The following TAFA1 variants were observed in gnomAD, a reference collection of about 807,000 sequenced individuals.
TAFA1 encodes the protein chemokine-like protein TAFA-1.
TAFA1 carries 4 observed loss-of-function variants against 18.5 expected under a neutral mutation model. The ratio of observed to expected loss-of-function variants is 0.22; its 90% CI spans 0.11 to 0.49. The LOEUF (loss-of-function observed/expected upper bound fraction) is 0.49, where lower values mean the gene tolerates loss of function less well. TAFA1 is among the 20% of genes least tolerant of loss of function. TAFA1 has a pLI of 0.98. For missense variants in TAFA1, 147 were observed against 169.0 expected (o/e 0.87, Z 0.72); for synonymous variants, 56 against 55.2 (o/e 1.01, Z -0.06).
At chr3:68,399,913 CCT>C (rs2070456309) in intron 2 of TAFA1, among the ~76,000 whole-genome samples, 1 of 152,290 alleles carries the variant, frequency 6.6e-6, no homozygotes, top group African/African-American at 2.4e-5. Flanking sequence ...ATCTATACCG[CCT>C]CTCTGCACTG....
chr3:68,029,995 C>T (rs964541789), intron 2 of TAFA1, among the ~76,000 whole-genome samples: 1 of 152,138 alleles, frequency 6.6e-6, no homozygotes, highest in Non-Finnish European at 1.5e-5. Context: ...ATGATCAGAA[C>T]CTCAGTAGAA....
intron 2 of TAFA1, among the ~76,000 whole-genome samples, chr3:68,133,814 A>G (rs915564184): frequency 6.6e-6 from 1 of 152,154 alleles, no homozygotes; most frequent in African/African-American, 2.4e-5. Context: ...CCAAAGTGGC[A>G]GAGGACACAG....
chr3:68,491,037 T>C (rs1226511351), intron 3 of TAFA1, among the ~76,000 whole-genome samples: 1 of 151,854 alleles, frequency 6.6e-6, no homozygotes, highest in Non-Finnish European at 1.5e-5. Flanking sequence ...TGGGATTTTA[T>C]CCTCTTGCCC....
intron 2 of TAFA1, among the ~76,000 whole-genome samples, chr3:68,287,735 A>C (rs1273143527): frequency 6.6e-6 from 1 of 152,102 alleles, no homozygotes; most frequent in East Asian, 1.9e-4. Context: ...TGCATTGCGC[A>C]CTATATAAAC....
upstream of TAFA1, among the ~76,000 whole-genome samples, chr3:68,003,323 A>T (rs1704305053): frequency 6.6e-6 from 1 of 152,212 alleles, no homozygotes; most frequent in Admixed American, 6.5e-5. Context: ...AAGGCAAGAG[A>T]GTATTCTGGG....
intron 2 of TAFA1, among the ~76,000 whole-genome samples, chr3:68,061,282 G>T (rs949323087): frequency 1.3e-5 from 2 of 152,168 alleles, no homozygotes; most frequent in African/African-American, 4.8e-5. Flanking sequence ...TCTTGATTAT[G>T]AAAATGATAT....
chr3:68,336,155 T>C (rs7637383), intron 2 of TAFA1, among the ~76,000 whole-genome samples: 3,235 of 152,292 alleles, frequency 0.021, 107 homozygotes, highest in African/African-American at 0.067. Flanking sequence ...GTCTACCTTG[T>C]CTAGTTGTTG....
chr3:68,309,858 A>G (rs1575766401), intron 2 of TAFA1, among the ~76,000 whole-genome samples: 1 of 152,098 alleles, frequency 6.6e-6, no homozygotes, highest in Non-Finnish European at 1.5e-5. Context: ...ATATGGCAGG[A>G]TGTTAGTTCT....
At chr3:68,006,576 G>A in intron 1 of TAFA1, 48 bp from the exon 2 acceptor site, 3 of 1,275,678 alleles carry the variant, frequency 2.4e-6, no homozygotes, top group Non-Finnish European at 3.4e-6. Flanking sequence ...TGACTGAGCT[G>A]GGGGCTTGAA....
At chr3:68,529,546 A>G (rs1205579910) in intron 3 of TAFA1, among the ~76,000 whole-genome samples, 1 of 151,848 alleles carries the variant, frequency 6.6e-6, no homozygotes, top group Non-Finnish European at 1.5e-5. Context: ...ACTATAAAAG[A>G]ATACTGCAGG....
intron 2 of TAFA1, among the ~76,000 whole-genome samples, chr3:68,273,736 G>A (rs2067724739): frequency 6.6e-6 from 1 of 152,238 alleles, no homozygotes; most frequent in South Asian, 2.1e-4. Context: ...GAAATCCAGG[G>A]TAGAGACAAC....
At chr3:68,130,862 T>A (rs2065527510) in intron 2 of TAFA1, among the ~76,000 whole-genome samples, 1 of 152,172 alleles carries the variant, frequency 6.6e-6, no homozygotes, top group African/African-American at 2.4e-5. Context: ...GTTAGCTACC[T>A]CCCTGTCCTC....
chr3:68,126,622 A>G (rs1456770216), intron 2 of TAFA1, among the ~76,000 whole-genome samples: 2 of 152,266 alleles, frequency 1.3e-5, no homozygotes, highest in Non-Finnish European at 2.9e-5. Flanking sequence ...GGTTTGGACA[A>G]TAGATGAGGG....
intron 2 of TAFA1, among the ~76,000 whole-genome samples, chr3:68,370,551 G>T (rs2069685236): frequency 8.2e-6 from 1 of 121,772 alleles, no homozygotes; most frequent in Non-Finnish European, 1.7e-5. Flanking sequence ...AAGTTAACCA[G>T]AGTGAAATAG....
At chr3:68,511,928 A>G (rs1028891908) in intron 3 of TAFA1, among the ~76,000 whole-genome samples, 2 of 152,104 alleles carry the variant, frequency 1.3e-5, no homozygotes, top group African/African-American at 2.4e-5. Flanking sequence ...AATAACATAG[A>G]TAGCACTTAC....
intron 2 of TAFA1, among the ~76,000 whole-genome samples, chr3:68,313,741 T>C (rs1376674397): frequency 6.6e-6 from 1 of 152,212 alleles, no homozygotes; most frequent in Non-Finnish European, 1.5e-5. Flanking sequence ...TCTTTGGCCC[T>C]AACTGGATGG....
intron 2 of TAFA1, among the ~76,000 whole-genome samples, chr3:68,226,962 C>T (rs936120126): frequency 9.9e-5 from 15 of 152,152 alleles, no homozygotes; most frequent in Admixed American, 3.9e-4. Flanking sequence ...GTAAAGGGTA[C>T]GTAGCCTTGG....
At chr3:68,298,934 T>C (rs892552131) in intron 2 of TAFA1, among the ~76,000 whole-genome samples, 1 of 152,054 alleles carries the variant, frequency 6.6e-6, no homozygotes, top group Non-Finnish European at 1.5e-5. Flanking sequence ...TACCTGAAAA[T>C]GTGGATGTGA....
chr3:68,461,367 A>T (rs577019539), intron 3 of TAFA1, among the ~76,000 whole-genome samples: 1 of 140,162 alleles, frequency 7.1e-6, no homozygotes, highest in South Asian at 2.3e-4. Flanking sequence ...GTGCATATAT[A>T]TATATATATA....
Sources: allele counts gnomAD v4.1 joint callset (sites outside exome capture counted in the v4.1 genomes callset), GRCh38; gene constraint gnomAD v4.1.1; transcripts MANE v1.5; gene names NCBI Gene and HGNC (gene_info 2026-07-23, HGNC 2026-07-21).